The following OSMR variants were observed in gnomAD, a reference collection of about 807,000 sequenced individuals.
OSMR encodes the protein oncostatin-M-specific receptor subunit beta.
Under a neutral mutation model 99.9 loss-of-function variants are expected in OSMR, and 81 were observed. The observed-to-expected ratio is 0.81, with a 90% CI of 0.68 to 0.97. OSMR has a LOEUF of 0.97. Ranked by LOEUF, OSMR falls within the 50% of genes least tolerant of loss-of-function variation. The pLI is 0.00. For missense variants in OSMR, 1,099 were observed against 1,153.4 expected (o/e 0.95, Z 0.68); for synonymous variants, 406 against 410.4 (o/e 0.99, Z 0.13).
chr5:38,869,089 G>T lies in OSMR; in HGVS notation c.45G>T (p.Leu15Phe). Reference sequence around the variant, plus strand: ...TTCAGACAACATTCTTCTTAACATTGCTGTCCTTGAGGACTTACCAGAGTG... The same window carrying T: ...TTCAGACAACATTCTTCTTAACATTTCTGTCCTTGAGGACTTACCAGAGTG... ...AVFQTTFFLTLLSLRTYQSEV... is the reference protein window; with the variant it reads ...AVFQTTFFLTFLSLRTYQSEV... The change falls in exon 2 of 18, where the codon TTG becomes TTT. Residue 15 changes from leucine (L) to phenylalanine (F), a missense_variant. Transcript: ENST00000274276. 1 of 1,613,210 alleles carries T rather than the reference G, an allele frequency of 6.2e-7. No individual in the cohort carries two copies. Among genetic ancestry groups the T allele is most frequent in the African/African-American group, 1.3e-5 (1 of 75,024 alleles).
At position 38,903,869 on chromosome 5, in the gene OSMR, T is replaced by C. The variant is rs751473170; in HGVS notation, c.992-13T>C. 4 of 1,600,320 alleles carry C rather than the reference T, an allele frequency of 2.5e-6. No individual in the cohort carries two copies. Among genetic ancestry groups the C allele is most frequent in the African/African-American group, 1.3e-5 (1 of 74,516 alleles). On this transcript the variant is annotated splice_polypyrimidine_tract_variant and intron_variant, in intron 7 of 17. Coordinates refer to ENST00000274276, the MANE Select transcript of OSMR (RefSeq NM_003999.3). ...GCTTGAATTTTTTTGTTTCTTTTTC[T>C]TTTTTTTGACAGTTTATTTAATGAA...
chr5:38,905,996 G>A (rs1052005916), intron 9 of OSMR, among the ~76,000 whole-genome samples: 8 of 152,126 alleles, frequency 5.3e-5, no homozygotes, highest in African/African-American at 1.7e-4. Context: ...AGGCCTCCCC[G>A]CTTCCCTGGT....
chr5:38,925,472 A>G (rs1462154019), intron 15 of OSMR, 101 bp downstream of exon 15: 3 of 1,071,312 alleles, frequency 2.8e-6, no homozygotes, highest in Non-Finnish European at 4.3e-6. Context: ...GGAATTTTCA[A>G]ACCTTTCTTC....
At chr5:38,892,262 A>G (rs1001942393) in intron 7 of OSMR, among the ~76,000 whole-genome samples, 1 of 152,028 alleles carries the variant, frequency 6.6e-6, no homozygotes, top group Non-Finnish European at 1.5e-5. Context: ...TGTGGCCCAG[A>G]GCCCTTCTGA....
chr5:38,937,312 C>T (rs1177896220), downstream of OSMR, among the ~76,000 whole-genome samples: 1 of 152,176 alleles, frequency 6.6e-6, no homozygotes. The surrounding 1 kb of genome is among the most constrained non-coding windows in gnomAD (Gnocchi z 4.0). Context: ...GCGTTACAGG[C>T]GTGAGCCACC....
intron 17 of OSMR, 37 bp from the exon 18 acceptor site, chr5:38,932,835 A>G (rs1315072854): frequency 6.2e-7 from 1 of 1,612,530 alleles, no homozygotes; most frequent in Admixed American, 1.7e-5. Flanking sequence ...GCACACACAC[A>G]AATGTCTATA....
intron 7 of OSMR, among the ~76,000 whole-genome samples, chr5:38,888,385 A>G (rs1252658490): frequency 8.4e-6 from 1 of 118,544 alleles, no homozygotes; most frequent in Non-Finnish European, 1.6e-5. Context: ...TTTGTTTCTA[A>G]TGGCCAGCAT....
intron 1 of OSMR, chr5:38,942,191 A>G (rs1442891435): frequency 2.2e-5 from 13 of 592,826 alleles, no homozygotes; most frequent in Non-Finnish European, 4.0e-5. Context: ...GGAACAGTGT[A>G]CAGAAGATAC....
chr5:38,932,003 A>G, intron 16 of OSMR, 39 bp downstream of exon 16: 1 of 1,436,956 alleles, frequency 7.0e-7, no homozygotes, highest in Non-Finnish European at 9.8e-7. Context: ...GAAGAGAGTA[A>G]GAGAAAAGTC....
intron 1 of OSMR, among the ~76,000 whole-genome samples, chr5:38,862,057 C>G (rs1368492508): frequency 9.1e-6 from 1 of 109,720 alleles, no homozygotes; most frequent in African/African-American, 3.6e-5. Context: ...CGGGCAGAGG[C>G]GCCCCTCACC....
intron 9 of OSMR, among the ~76,000 whole-genome samples, chr5:38,905,501 A>G (rs1745170129): frequency 6.9e-6 from 1 of 145,752 alleles, no homozygotes; most frequent in African/African-American, 2.6e-5. Context: ...AAAAAAAAAA[A>G]TCATAGGAGT....
chr5:38,931,973 G>A lies in OSMR; in HGVS notation c.2294+9G>A. On this transcript the variant is annotated intron_variant, in intron 16 of 17. Transcript: ENST00000274276. ...TACTTGAAAAGTCAGTGGTAAGTGT[G>A]TGAGGAAGGTTTTATCCAAGAAGAG... 8 of 1,605,006 alleles carry A rather than the reference G, an allele frequency of 5.0e-6. No individual in the cohort carries two copies. The highest frequency in any genetic ancestry group is 6.8e-6 in the Non-Finnish European group (8 of 1,171,844).
At chr5:38,873,804 C>T (rs568678319) in intron 2 of OSMR, among the ~76,000 whole-genome samples, 1 of 152,152 alleles carries the variant, frequency 6.6e-6, no homozygotes, top group Admixed American at 6.6e-5. Flanking sequence ...AATGTTCATT[C>T]AAGTCTTTTG....
At chr5:38,901,277 T>C (rs1056149745) in intron 7 of OSMR, among the ~76,000 whole-genome samples, 1 of 152,192 alleles carries the variant, frequency 6.6e-6, no homozygotes, top group African/African-American at 2.4e-5. Flanking sequence ...AGGCATATTT[T>C]TGAACCCATA....
At chr5:38,868,908 A>C in intron 1 of OSMR, 124 bp from the exon 2 acceptor site, 1 of 1,132,136 alleles carries the variant, frequency 8.8e-7, no homozygotes, top group South Asian at 1.5e-5. Context: ...GACAAGAGGC[A>C]TGGATACAGG....
chr5:38,860,997 A>G (rs986373810), intron 1 of OSMR, among the ~76,000 whole-genome samples: 2 of 152,158 alleles, frequency 1.3e-5, no homozygotes, highest in Non-Finnish European at 2.9e-5. Flanking sequence ...CATAGACCCA[A>G]TGGTCCTTCA....
Position 38,933,168 on chromosome 5 carries a change from C to T in OSMR, c.2664C>T (p.Thr888=). The T allele has an allele frequency of 6.2e-7, 1 of 1,614,168 alleles. No homozygotes were observed. Among genetic ancestry groups the T allele is most frequent in the Non-Finnish European group, 8.5e-7 (1 of 1,180,022 alleles). Residue 888 remains threonine (T), a synonymous_variant, in exon 18 of 18, where the codon ACC becomes ACT. Coordinates refer to ENST00000274276, the MANE Select transcript of OSMR (RefSeq NM_003999.3). ...CCCCAAGTATGCTGGGACTAATGACCTCACCTGAAAATGTACTAAAGGCAC... is the reference window on the plus strand; with the variant it reads ...CCCCAAGTATGCTGGGACTAATGACTTCACCTGAAAATGTACTAAAGGCAC... ...PKAPSMLGLM[T]SPENVLKALE...
At chr5:38,936,533 C>T (rs1747051770), downstream of OSMR, among the ~76,000 whole-genome samples, 1 of 152,156 alleles carries the variant, frequency 6.6e-6, no homozygotes, top group Non-Finnish European at 1.5e-5. Flanking sequence ...ACTGCTGAAA[C>T]GCTTCCTACA....
intron 1 of OSMR, among the ~76,000 whole-genome samples, chr5:38,849,730 T>G (rs1740205018): frequency 6.6e-6 from 1 of 152,244 alleles, no homozygotes; most frequent in South Asian, 2.1e-4. Flanking sequence ...AACTGTGTCA[T>G]GTGAACTTTG....
Sources: allele counts gnomAD v4.1 joint callset (sites outside exome capture counted in the v4.1 genomes callset), GRCh38; gene constraint gnomAD v4.1.1; non-coding constraint Gnocchi (gnomAD v3.1); transcripts MANE v1.5; gene names NCBI Gene and HGNC (gene_info 2026-07-23, HGNC 2026-07-21).